USP35: variants seen among roughly 807,000 people sequenced by gnomAD.
USP35 encodes ubiquitin carboxyl-terminal hydrolase 35.
USP35 carries 69 observed loss-of-function variants against 83.8 expected under a neutral mutation model. That is an observed-to-expected ratio of 0.82 (90% CI 0.68 to 1.01). The LOEUF is 1.01. Ranked by LOEUF, USP35 falls within the 50% of genes least tolerant of loss-of-function variation. USP35 has a pLI of 0.00. For missense variants in USP35, 1,503 were observed against 1,362.5 expected, an observed-to-expected ratio of 1.10 and a Z score of -1.62; for synonymous variants, 714 against 589.5, an observed-to-expected ratio of 1.21 and a Z score of -3.06.
chr11:78,225,254 CACTT>C, the USP35 span: 1 of 1,200,190 alleles, frequency 8.3e-7, no homozygotes, highest in Non-Finnish European at 1.2e-6. Flanking sequence ...CATGTGTTGA[CACTT>C]ACCCATACCC....
chr11:78,207,592 A>T lies in USP35; in HGVS notation c.1454A>T (p.Gln485Leu), dbSNP rs762374125. The T allele has an allele frequency of 3.1e-6, 5 of 1,614,020 alleles. No individual in the cohort carries two copies. The African/African-American group carries it at 6.7e-5, about 22-fold the overall frequency. Residue 485 changes from glutamine (Q) to leucine (L), a missense_variant, in exon 8 of 11, where the codon CAG becomes CTG. Coordinates refer to ENST00000529308, the MANE Select transcript of USP35 (RefSeq NM_020798.4). The part of the protein sequence containing the change: ...NNSQPLMTKL[Q>L]WLFGFLEHSQ... ...TCACAGCCCCTGATGACCAAGCTGCAGTGGCTCTTTGGCTTCCTAGAACAC... is the reference window on the plus strand; with the variant it reads ...TCACAGCCCCTGATGACCAAGCTGCTGTGGCTCTTTGGCTTCCTAGAACAC...
In USP35 at chr11:78,213,817, G is replaced by C; in HGVS notation, c.*4G>C. The C allele has an allele frequency of 6.4e-7, 1 of 1,552,314 alleles. No individual in the cohort carries two copies. Among genetic ancestry groups the C allele is most frequent in the Non-Finnish European group, 8.6e-7 (1 of 1,157,416 alleles). On this transcript the variant is annotated 3_prime_UTR_variant, in exon 11 of 11. Transcript: ENST00000529308. ...CTTCCACAGACTGGTCTTCTAATGT[G>C]AACCTGCTGCCAACCTGACCCCTTC...
the USP35 span, chr11:78,221,604 G>T: frequency 1.2e-6 from 1 of 830,772 alleles, no homozygotes; most frequent in Non-Finnish European, 2.0e-6. Context: ...AGCTAAGCTG[G>T]GAAGTGGGGA....
intron 10 of USP35, among the ~76,000 whole-genome samples, chr11:78,211,719 G>T (rs760914082): frequency 2.0e-5 from 3 of 152,078 alleles, no homozygotes; most frequent in Non-Finnish European, 4.4e-5. Flanking sequence ...TTTTTCTTTC[G>T]TACGTTTGTT....
chr11:78,207,334 G>A (rs1473780326), intron 7 of USP35, 196 bp from the exon 8 acceptor site: 1 of 584,280 alleles, frequency 1.7e-6, no homozygotes, highest in East Asian at 2.9e-5. Context: ...CTATTGTTGT[G>A]TTCCTGACCT....
the USP35 span, among the ~76,000 whole-genome samples, chr11:78,233,555 A>G: frequency 6.6e-6 from 1 of 152,158 alleles, no homozygotes; most frequent in South Asian, 2.1e-4. Flanking sequence ...ATGGACCACA[A>G]ACAAATCCTT....
chr11:78,222,160 C>T, the USP35 span: 40 of 1,613,950 alleles, frequency 2.5e-5, no homozygotes, highest in South Asian at 2.0e-4. Context: ...TCATCGATGA[C>T]GGTGTTGTTC....
intron 10 of USP35, among the ~76,000 whole-genome samples, chr11:78,212,353 A>C (rs544332301): frequency 6.6e-6 from 1 of 152,346 alleles, no homozygotes; most frequent in East Asian, 1.9e-4. Context: ...AAAACAGCAT[A>C]GTTTGAAGTC....
At chr11:78,220,762 C>A in the USP35 span, among the ~76,000 whole-genome samples, 3 of 152,168 alleles carry the variant, frequency 2.0e-5, no homozygotes, top group Non-Finnish European at 4.4e-5. Context: ...CTGTGCTAAC[C>A]CCTGTACCAC....
chr11:78,193,692 A>T (rs1271537023), intron 1 of USP35, among the ~76,000 whole-genome samples: 1 of 152,194 alleles, frequency 6.6e-6, no homozygotes, highest in African/African-American at 2.4e-5. Context: ...AGCCTAAGTA[A>T]CCTTTATGGG....
At chr11:78,223,613 T>G in the USP35 span, 1 of 1,613,506 alleles carries the variant, frequency 6.2e-7, no homozygotes, top group Non-Finnish European at 8.5e-7. Flanking sequence ...GAACCTGGAT[T>G]CATGGGCACA....
the USP35 span, among the ~76,000 whole-genome samples, chr11:78,224,423 C>A: frequency 6.6e-6 from 1 of 152,090 alleles, no homozygotes; most frequent in Non-Finnish European, 1.5e-5. Context: ...GTTGTGTTTC[C>A]CCAGTCCAGG....
At chr11:78,220,386 T>C in the USP35 span, 1 of 1,612,648 alleles carries the variant, frequency 6.2e-7, no homozygotes, top group Non-Finnish European at 8.5e-7. Flanking sequence ...GCCGGTGCTC[T>C]TCTTAGGGGC....
At chr11:78,226,810 C>T in the USP35 span, 1 of 1,614,140 alleles carries the variant, frequency 6.2e-7, no homozygotes, top group Non-Finnish European at 8.5e-7. Flanking sequence ...TCCTCATTAT[C>T]TGTCTCGGAG....
In USP35 at chr11:78,215,104, A is replaced by AAAGCTGGATGGGTAAATGCTAGTATG. The variant is rs1229277980; in HGVS notation, c.*1293_*1318dup. On this transcript the variant is annotated 3_prime_UTR_variant, in exon 11 of 11. Coordinates refer to ENST00000529308, the MANE Select transcript of USP35 (RefSeq NM_020798.4). ...CAGAACCCATCTCTAGACGCCTAAG[A>AAAGCTGGATGGGTAAATGCTAGTATG]AAGCTGGATGGGTAAATGCTAGTAT... 6.6e-6 allele frequency among the ~76,000 whole-genome samples: 1 copy of AAAGCTGGATGGGTAAATGCTAGTATG among 152,200 alleles called. No individual in the cohort carries two copies. The highest frequency in any genetic ancestry group is 1.5e-5 in the Non-Finnish European group (1 of 68,038).
the USP35 span, among the ~76,000 whole-genome samples, chr11:78,235,312 C>T: frequency 1.2e-3 from 179 of 151,954 alleles, no homozygotes; most frequent in Non-Finnish European, 2.2e-3. Context: ...GTCACCATGC[C>T]GGGCTAATTT....
Position 78,214,377 on chromosome 11 carries a change from T to TGGC in USP35, c.*564_*565insGGC, listed in dbSNP as rs139748612. The TGGC allele has an allele frequency of 1.9e-5, 1 of 52,888 alleles. No homozygotes were observed. The highest frequency in any genetic ancestry group is 4.5e-5 in the Non-Finnish European group (1 of 22,408). 3.3% of individuals were successfully genotyped at this position (52,888 alleles called of 1,614,324 possible). A position where few individuals can be genotyped will look rare whatever the true frequency, so the allele number is the denominator to read the frequency against. ...CCTTACCAAGCGCCACTGCATGGTTTTGGGGGGGGGGGCGGGGGGCTAGCT... is the reference window on the plus strand; with the variant it reads ...CCTTACCAAGCGCCACTGCATGGTTTGGCTGGGGGGGGGGGCGGGGGGCTAGCT... On this transcript the variant is annotated 3_prime_UTR_variant, in exon 11 of 11. Coordinates refer to ENST00000529308, the MANE Select transcript of USP35 (RefSeq NM_020798.4).
Position 78,213,910 on chromosome 11 carries a change from C to T in USP35, c.*97C>T. ...GGCCCTACCAAGAGGAAGGATGGTA[C>T]AGCTCATGGCACCTTAGTCCTCAGC... On this transcript the variant is annotated 3_prime_UTR_variant, in exon 11 of 11. Transcript: ENST00000529308. 7.3e-7 allele frequency: 1 copy of T among 1,369,700 alleles called. No homozygotes were observed. Among genetic ancestry groups the T allele is most frequent in the South Asian group, 1.5e-5 (1 of 66,794 alleles). The allele number at this position is 1,369,700 out of a possible 1,614,324, so 84.8% of individuals were successfully genotyped here.
chr11:78,226,326 C>T, the USP35 span: 2 of 693,580 alleles, frequency 2.9e-6, no homozygotes, highest in South Asian at 3.4e-5. Flanking sequence ...GGGTAGAAGA[C>T]ACCTATGTTT....
Sources: allele counts gnomAD v4.1 joint callset (sites outside exome capture counted in the v4.1 genomes callset), GRCh38; gene constraint gnomAD v4.1.1; transcripts MANE v1.5; gene names NCBI Gene and HGNC (gene_info 2026-07-23, HGNC 2026-07-21).